ATP13A2: variants seen among roughly 807,000 people sequenced by gnomAD.
ATP13A2 encodes the protein polyamine-transporting ATPase 13A2.
ATP13A2 carries 83 observed loss-of-function variants against 138.3 expected under a neutral mutation model. The ratio of observed to expected loss-of-function variants is 0.60; its 90% CI spans 0.50 to 0.72. The LOEUF (loss-of-function observed/expected upper bound fraction) is 0.72, where lower values mean the gene tolerates loss of function less well. Among genes scored for constraint, ATP13A2 ranks in the 30% least tolerant of loss-of-function variants. The probability of loss-of-function intolerance (pLI) is 0.00; values close to 1 mark genes in which losing one functional copy is unlikely to be tolerated. For missense variants in ATP13A2, 1,402 were observed against 1,606.4 expected, an observed-to-expected ratio of 0.87 and a Z score of 2.17; for synonymous variants, 663 against 699.0, an observed-to-expected ratio of 0.95 and a Z score of 0.81.
Position 16,989,758 on chromosome 1 carries a change from C to T in ATP13A2, c.2542G>A (p.Gly848Ser). ...GGGGCCATGCGGGCAAAGACAGTGC[C>T]CTGGACCAGGACCTGGGAGCACAGG... ...PKLLPKVLVQ[G>S]TVFARMAPEQ... Residue 848 changes from glycine (G) to serine (S), a missense_variant, in exon 23 of 29, where the codon GGC (glycine) becomes AGC (serine). By Grantham distance (56) the Gly-to-Ser change is moderately conservative. Transcript: ENST00000326735. The T allele has an allele frequency of 6.2e-7, 1 of 1,614,060 alleles. No homozygotes were observed. The highest frequency in any genetic ancestry group is 2.2e-5 in the East Asian group (1 of 44,884).
chr1:16,992,634 AT>A (rs1372698625), intron 16 of ATP13A2, 53 bp from the exon 17 acceptor site: 1 of 1,584,590 alleles, frequency 6.3e-7, no homozygotes, highest in Non-Finnish European at 8.7e-7. Context: ...TCACAGAGAG[AT>A]TTGAGCTAGA....
chr1:16,986,567 G>T lies in ATP13A2; in HGVS notation c.3301C>A (p.Leu1101Ile), dbSNP rs886045577. The T allele has an allele frequency of 6.2e-7, 1 of 1,612,162 alleles. No individual in the cohort carries two copies. The highest frequency in any genetic ancestry group is 2.2e-5 in the East Asian group (1 of 44,866). Reference protein sequence around the residue: ...VLVGLVLVPGLLQGPLALRNI... With the variant: ...VLVGLVLVPGILQGPLALRNI... ...CTCAGCGCCAGCGGCCCCTGCAGGA[G>T]GCCGGGGACCAGGACAAGGCCCACC... is the stretch of plus-strand genomic sequence containing the variant. The change falls in exon 28 of 29, where the codon CTC becomes ATC. Residue 1101 changes from leucine to isoleucine, a missense_variant. Transcript: ENST00000326735. This position sits in a 1 kb window ranked among gnomAD's most constrained non-coding sequence, Gnocchi z 6.9.
chr1:16,997,415 G>GGGGGGC (rs1553169132), intron 11 of ATP13A2, among the ~76,000 whole-genome samples: 1 of 120,006 alleles, frequency 8.3e-6, no homozygotes. Flanking sequence ...TGGAACCAGC[G>GGGGGGC]GGGGGGGGTG....
intron 11 of ATP13A2, among the ~76,000 whole-genome samples, chr1:16,997,927 G>A (rs2077203788): frequency 6.6e-6 from 1 of 151,812 alleles, no homozygotes; most frequent in African/African-American, 2.4e-5. Flanking sequence ...ACATGGAGGG[G>A]GCAAATATTT....
chr1:16,997,143 G>T lies in ATP13A2; in HGVS notation c.1072C>A (p.Pro358Thr). ...ESIPVLKTALPEGLGPYCAET... is the reference protein window; with the variant it reads ...ESIPVLKTALTEGLGPYCAET... Reference sequence around the variant, plus strand: ...GCACAGTAGGGCCCCAGCCCCTCCGGCAGTGCCGTCTTCAGCACTGGAATG... The same window carrying T: ...GCACAGTAGGGCCCCAGCCCCTCCGTCAGTGCCGTCTTCAGCACTGGAATG... The change falls in exon 12 of 29, where the codon CCG (proline) becomes ACG (threonine). Residue 358 changes from proline (P) to threonine (T), a missense_variant. Physicochemically the swap from Pro to Thr is conservative, Grantham distance 38. Coordinates refer to ENST00000326735, the MANE Select transcript of ATP13A2 (RefSeq NM_022089.4). The T allele has an allele frequency of 6.2e-7, 1 of 1,613,702 alleles. No homozygotes were observed. Among genetic ancestry groups the T allele is most frequent in the Non-Finnish European group, 8.5e-7 (1 of 1,180,032 alleles).
In ATP13A2 at chr1:17,000,145, G is replaced by A. The variant is rs750009988; in HGVS notation, c.908-3C>T. Reference sequence around the variant, plus strand: ...ACTGGAGTCCACCCACTCTTCCTCTGCAGGCAGGCAGGAGAGGAGCTCAGC... The same window carrying A: ...ACTGGAGTCCACCCACTCTTCCTCTACAGGCAGGCAGGAGAGGAGCTCAGC... On this transcript the variant is annotated splice_polypyrimidine_tract_variant and splice_region_variant and intron_variant, in intron 10 of 28. Coordinates refer to ENST00000326735, the MANE Select transcript of ATP13A2 (RefSeq NM_022089.4). The A allele has an allele frequency of 6.2e-7, 1 of 1,613,074 alleles. No individual in the cohort carries two copies. Among genetic ancestry groups the A allele is most frequent in the Non-Finnish European group, 8.5e-7 (1 of 1,179,934 alleles).
intron 20 of ATP13A2, 90 bp from the exon 21 acceptor site, chr1:16,990,377 G>T (rs2076889060): frequency 4.6e-6 from 7 of 1,532,954 alleles, no homozygotes; most frequent in African/African-American, 1.4e-5. Flanking sequence ...CAGGCTGGAT[G>T]AAATCCGTCT....
At position 17,004,901 on chromosome 1, in the gene ATP13A2, T is replaced by G; in HGVS notation, c.348-80A>C. 1 of 1,612,452 alleles carries G rather than the reference T, an allele frequency of 6.2e-7. No individual in the cohort carries two copies. Among genetic ancestry groups the G allele is most frequent in the Non-Finnish European group, 8.5e-7 (1 of 1,179,522 alleles). ...CCTGTGCTCACAGAGCCATCTTCCC[T>G]CCCTAGGATGGGAGGCGCCAGAGTC... On this transcript the variant is annotated intron_variant, in intron 4 of 28. Coordinates refer to ENST00000326735, the MANE Select transcript of ATP13A2 (RefSeq NM_022089.4). This position sits in a 1 kb window ranked among gnomAD's most constrained non-coding sequence, Gnocchi z 4.1.
In ATP13A2 at chr1:17,011,649, C is replaced by T. The variant is rs1389260519; in HGVS notation, c.10+80G>A. The T allele has an allele frequency of 4.5e-5, 64 of 1,425,758 alleles. No homozygotes were observed. In the East Asian group the frequency reaches 1.8e-3, roughly 41 times the overall value. The allele number at this position is 1,425,758 out of a possible 1,614,324, so 88.3% of individuals were successfully genotyped here. A position where few individuals can be genotyped will look rare whatever the true frequency, so the allele number is the denominator to read the frequency against. ...CCCCGCGGTGGGGGGCGTCGCCTCC[C>T]CTCTCCCTCCAAGGGGTGACGACAA... On this transcript the variant is annotated intron_variant, in intron 1 of 28. Coordinates refer to ENST00000326735, the MANE Select transcript of ATP13A2 (RefSeq NM_022089.4). The surrounding 1 kb of genome is among the most constrained non-coding windows in gnomAD (Gnocchi z 7.3).
At chr1:16,999,380 CAAAAAAAAAAAAAAAA>C (rs67969184) in intron 11 of ATP13A2, among the ~76,000 whole-genome samples, 1 of 56,178 alleles carries the variant, frequency 1.8e-5, no homozygotes, top group Non-Finnish European at 3.1e-5. Flanking sequence ...AACTCCATCT[CAAAAAAAAAAAAAAAA>C]AAAAAAAAAG....
chr1:16,990,349 T>A lies in ATP13A2; in HGVS notation c.2252-62A>T. On this transcript the variant is annotated intron_variant, in intron 20 of 28. Coordinates refer to ENST00000326735, the MANE Select transcript of ATP13A2 (RefSeq NM_022089.4). ...TCCGGGGAGGCCATCCTCATCCTGA[T>A]CCTTACAGATGGGAAAACAGGCTGG... is the stretch of plus-strand genomic sequence containing the variant. The A allele has an allele frequency of 3.1e-6, 5 of 1,597,762 alleles. No homozygotes were observed. The Admixed American group carries it at 8.4e-5, about 27-fold the overall frequency.
chr1:17,004,935 T>C lies in ATP13A2; in HGVS notation c.347+79A>G. ...TGGGAGGCGCCAGAGTCAGCCTTTA[T>C]GGGGGGGCCGAGGGTTGGGGAAGTT... On this transcript the variant is annotated intron_variant, in intron 4 of 28. Transcript: ENST00000326735. This position sits in a 1 kb window ranked among gnomAD's most constrained non-coding sequence, Gnocchi z 4.1. 1 of 1,608,336 alleles carries C rather than the reference T, an allele frequency of 6.2e-7. No individual in the cohort carries two copies. The highest frequency in any genetic ancestry group is 8.5e-7 in the Non-Finnish European group (1 of 1,176,684).
At chr1:16,998,703 C>T (rs2077232144) in intron 11 of ATP13A2, among the ~76,000 whole-genome samples, 1 of 152,110 alleles carries the variant, frequency 6.6e-6, no homozygotes, top group African/African-American at 2.4e-5. Context: ...TGGAAAATCA[C>T]ATTCTAAATA....
At chr1:17,005,947 T>C (rs2077543105) in intron 1 of ATP13A2, among the ~76,000 whole-genome samples, 169 bp from the exon 2 acceptor site, 1 of 152,088 alleles carries the variant, frequency 6.6e-6, no homozygotes, top group African/African-American at 2.4e-5. Context: ...TCAACCTGGC[T>C]AACATGGTGA....
intron 1 of ATP13A2, among the ~76,000 whole-genome samples, chr1:17,009,368 G>C (rs1397898184): frequency 6.6e-6 from 1 of 151,332 alleles, no homozygotes; most frequent in African/African-American, 2.4e-5. Context: ...GAGTTGGGGG[G>C]AGGGGCTTGA....
Position 16,993,724 on chromosome 1 carries a change from G to A in ATP13A2, c.1654C>T (p.Leu552Phe). ...GCATGGCAGGTGGCCAGTGCTCGGA[G>A]CAGGGGCCCCACAGGCAGGCGGCGA... ...EPRRLPVGPL[L>F]RALATCHALS... is the part of the protein sequence containing the mutation. Residue 552 changes from leucine (L) to phenylalanine (F), a missense_variant, in exon 16 of 29, where the codon CTC becomes TTC. By Grantham distance (22) the Leu-to-Phe change is conservative. Transcript: ENST00000326735. The A allele has an allele frequency of 6.3e-7, 1 of 1,594,140 alleles. No homozygotes were observed. Among genetic ancestry groups the A allele is most frequent in the Non-Finnish European group, 8.5e-7 (1 of 1,171,008 alleles).
rs537112220 is a variant in ATP13A2, at chr1:16,989,871, C to T, written c.2529+16G>A. 1.9e-6 allele frequency: 3 copies of T among 1,607,576 alleles called. No homozygotes were observed. The highest frequency in any genetic ancestry group is 2.7e-5 in the African/African-American group (2 of 74,990). On this transcript the variant is annotated intron_variant, in intron 22 of 28. Transcript: ENST00000326735. ...GGGGAGGCGCAGGGCGGCCAGGGAG[C>T]TGGGGGCGGCCCTACCTTGGGCAGC...
rs67484789 is a variant in ATP13A2, at chr1:17,007,550, C to CTTT, written c.11-1775_11-1773dup. Among the ~76,000 whole-genome samples the CTTT allele has an allele frequency of 6.1e-3, 495 of 80,780 alleles. 5 individuals are homozygous for CTTT. The highest frequency in any genetic ancestry group is 0.01 in the Non-Finnish European group (406 of 40,166). 53.0% of individuals were successfully genotyped at this position (80,780 alleles called of 152,430 possible). A position where few individuals can be genotyped will look rare whatever the true frequency, so the allele number is the denominator to read the frequency against. ...AATCTGAGCCCTTCTAAAATTTTTCCTTTTTTTTTTTTTTTTTTTGAGAGC... is the reference window on the plus strand; with the variant it reads ...AATCTGAGCCCTTCTAAAATTTTTCCTTTTTTTTTTTTTTTTTTTTTTGAGAGC... On this transcript the variant is annotated intron_variant, in intron 1 of 28. Coordinates refer to ENST00000326735, the MANE Select transcript of ATP13A2 (RefSeq NM_022089.4).
In ATP13A2 at chr1:17,011,838, G is replaced by C. The variant is rs1284379474; in HGVS notation, c.-100C>G. On this transcript the variant is annotated 5_prime_UTR_variant, in exon 1 of 29. Coordinates refer to ENST00000326735, the MANE Select transcript of ATP13A2 (RefSeq NM_022089.4). The surrounding 1 kb of genome is among the most constrained non-coding windows in gnomAD (Gnocchi z 7.3). ...GGCGGGGGCGCGGTCCGGACGGCCC[G>C]GGGCGAGGGGCGCTGGGCTAGCGCG... The C allele has an allele frequency of 3.9e-6, 4 of 1,038,522 alleles. No individual in the cohort carries two copies. The highest frequency in any genetic ancestry group is 1.7e-5 in the African/African-American group (1 of 58,344). 64.3% of individuals were successfully genotyped at this position (1,038,522 alleles called of 1,614,324 possible).
Sources: gnomAD v4.1 joint callset for allele counts (sites outside exome capture counted in the v4.1 genomes callset) on GRCh38, gnomAD v4.1.1 for gene constraint, Gnocchi (gnomAD v3.1) non-coding constraint, MANE v1.5 for transcripts, NCBI Gene and HGNC (gene_info 2026-07-23, HGNC 2026-07-21) for gene names.